UTY: variants seen among roughly 807,000 people sequenced by gnomAD.
UTY encodes ubiquitously transcribed tetratricopeptide repeat containing, Y-linked.
UTY carries 12 observed loss-of-function variants against 32.5 expected under a neutral mutation model. The ratio of observed to expected loss-of-function variants is 0.37; its 90% CI spans 0.24 to 0.60. The LOEUF is 0.60. Among genes scored for constraint, UTY ranks in the 20% least tolerant of loss-of-function variants. The pLI is 0.69. For missense variants in UTY, 303 were observed against 299.2 expected (o/e 1.01, Z -0.09); for synonymous variants, 131 against 103.4 (o/e 1.27, Z -1.62).
chrY:13,433,553 A>G, intron 4 of UTY, among the ~76,000 whole-genome samples: 1 of 33,966 alleles, frequency 2.9e-5, no homozygotes, highest in Non-Finnish European at 7.4e-5. Context: ...ATGTCTAACA[A>G]GAGATTTAGA....
chrY:13,395,659 A>AACAC (rs113496156), intron 7 of UTY, among the ~76,000 whole-genome samples: 479 of 22,093 alleles, frequency 0.022, no homozygotes, highest in African/African-American at 0.051. Context: ...ACAAAATTAA[A>AACAC]ACACACACAC....
chrY:13,275,975 T>A (rs2056649935), intron 27 of UTY, among the ~76,000 whole-genome samples: 1 of 34,160 alleles, frequency 2.9e-5, no homozygotes, highest in Non-Finnish European at 7.3e-5. Context: ...CTGGGTGCAG[T>A]GGCTCAAGCC....
intron 8 of UTY, among the ~76,000 whole-genome samples, chrY:13,379,485 A>G (rs2065749216): frequency 3.1e-5 from 1 of 32,466 alleles, no homozygotes; most frequent in Non-Finnish European, 7.5e-5. Context: ...AACAAACCCA[A>G]AATGGAGGAA....
At chrY:13,355,581 C>G (rs775036228) in intron 16 of UTY, 183 bp from the exon 17 acceptor site, 1 of 323,444 alleles carries the variant, frequency 3.1e-6, no homozygotes, top group East Asian at 1.1e-4. Flanking sequence ...CCTTTATTAA[C>G]AGCTCAAGGG....
intron 8 of UTY, among the ~76,000 whole-genome samples, chrY:13,388,721 A>G (rs2067184866): frequency 3.1e-5 from 1 of 32,355 alleles, no homozygotes; most frequent in Non-Finnish European, 7.5e-5. Flanking sequence ...CCCAAATCTC[A>G]TCTTCAATTG....
chrY:13,253,085 A>C, intron 28 of UTY, among the ~76,000 whole-genome samples: 2 of 32,880 alleles, frequency 6.1e-5, no homozygotes, highest in Admixed American at 5.4e-4. Flanking sequence ...GGGACGATGG[A>C]GTGATGGTCG....
At chrY:13,384,664 A>G in intron 8 of UTY, among the ~76,000 whole-genome samples, 1 of 33,150 alleles carries the variant, frequency 3.0e-5, no homozygotes, top group Non-Finnish European at 7.4e-5. Context: ...CCAAATCTCA[A>G]AAAATATTAA....
intron 27 of UTY, among the ~76,000 whole-genome samples, chrY:13,267,870 T>C (rs1603276022): frequency 3.0e-5 from 1 of 33,344 alleles, no homozygotes; most frequent in East Asian, 7.8e-4. Flanking sequence ...TTTTGGCTCA[T>C]AGGGTTTCTG....
intron 28 of UTY, among the ~76,000 whole-genome samples, chrY:13,256,870 C>A (rs547464582): frequency 1.2e-4 from 4 of 33,929 alleles, no homozygotes; most frequent in Non-Finnish European, 2.2e-4. Flanking sequence ...AGGGCTCATA[C>A]GCCTCTTCCA....
At chrY:13,424,589 T>A in intron 4 of UTY, among the ~76,000 whole-genome samples, 1 of 32,204 alleles carries the variant, frequency 3.1e-5, no homozygotes, top group Non-Finnish European at 7.6e-5. Context: ...TGGTGGTGGA[T>A]GCCTGTAGTA....
At chrY:13,252,542 C>A in intron 28 of UTY, among the ~76,000 whole-genome samples, 1 of 34,005 alleles carries the variant, frequency 2.9e-5, no homozygotes, top group African/African-American at 1.2e-4. Flanking sequence ...GGAGCAGGAT[C>A]CCCAAAATCT....
At position 13,353,588 on chromosome Y, in the gene UTY, A is replaced by AT. The variant is rs768760512; in HGVS notation, c.2061+1414dup. 2.2e-3 allele frequency among the ~76,000 whole-genome samples: 75 copies of AT among 34,266 alleles called. No homozygotes were observed. The East Asian group carries it at 0.055, about 25-fold the overall frequency. 91.9% of individuals were successfully genotyped at this position (34,266 alleles called of 37,273 possible). The stretch of plus-strand genomic sequence containing the variant: ...TACATTTCATTTCATAAGTCTATAT[A>AT]TAACTAACACAGACAGCAATTCCTC... On this transcript the variant is annotated intron_variant, in intron 17 of 29. Transcript: ENST00000545955.
chrY:13,259,144 C>T, intron 28 of UTY, among the ~76,000 whole-genome samples: 1 of 34,657 alleles, frequency 2.9e-5, no homozygotes, highest in African/African-American at 1.1e-4. Flanking sequence ...CCCTTCGTTT[C>T]CCATAAGAGA....
At chrY:13,358,023 T>TA in intron 14 of UTY, 54 bp from the exon 15 acceptor site, 2 of 302,941 alleles carry the variant, frequency 6.6e-6, no homozygotes, top group Non-Finnish European at 9.9e-6. Flanking sequence ...TTCATACACT[T>TA]AGAGTTATGA....
chrY:13,308,497 T>C, intron 21 of UTY, among the ~76,000 whole-genome samples: 1 of 31,767 alleles, frequency 3.1e-5, no homozygotes, highest in Non-Finnish European at 7.6e-5. Context: ...TGCACACTTG[T>C]AGTCCCAGCT....
intron 3 of UTY, among the ~76,000 whole-genome samples, chrY:13,466,895 G>A: frequency 8.8e-5 from 3 of 33,918 alleles, no homozygotes; most frequent in Non-Finnish European, 1.5e-4. Flanking sequence ...TAACCTCTAC[G>A]TCTAAAAAGA....
intron 7 of UTY, among the ~76,000 whole-genome samples, chrY:13,394,582 G>A: frequency 6.1e-5 from 2 of 32,841 alleles, no homozygotes; most frequent in African/African-American, 2.4e-4. Flanking sequence ...AAATCACAAC[G>A]GATAATTACA....
chrY:13,309,595 A>C, intron 21 of UTY, among the ~76,000 whole-genome samples: 1 of 32,655 alleles, frequency 3.1e-5, no homozygotes, highest in African/African-American at 1.2e-4. Flanking sequence ...TGTCTCAAAA[A>C]AAAAACCAAA....
chrY:13,327,687 T>C (rs934026085), intron 18 of UTY, among the ~76,000 whole-genome samples: 1 of 33,468 alleles, frequency 3.0e-5, no homozygotes, highest in Admixed American at 2.8e-4. Context: ...TAATGACCCA[T>C]AGGTTTAGTT....
Sources: gnomAD v4.1 joint callset for allele counts (sites outside exome capture counted in the v4.1 genomes callset) on GRCh38, gnomAD v4.1.1 for gene constraint, MANE v1.5 for transcripts, NCBI Gene and HGNC (gene_info 2026-07-23, HGNC 2026-07-21) for gene names.